Variants in POC1B observed in about 807,000 individuals in gnomAD.
POC1B encodes the protein POC1 centriolar protein homolog B.
POC1B carries 44 observed loss-of-function variants against 60.6 expected under a neutral mutation model. The ratio of observed to expected loss-of-function variants is 0.73; its 90% confidence interval spans 0.57 to 0.93. The LOEUF is 0.93. Among genes scored for constraint, POC1B ranks in the 40% least tolerant of loss-of-function variants. The probability of loss-of-function intolerance (pLI) is 0.00; values close to 1 mark genes in which losing one functional copy is unlikely to be tolerated. For synonymous variants in POC1B, 180 were observed against 198.9 expected (o/e 0.90, Z 0.80); for missense variants, 555 against 572.3 (o/e 0.97, Z 0.31).
chr12:89,466,934 G>A lies in POC1B; in HGVS notation c.880-12C>T, dbSNP rs1882708396. The stretch of plus-strand genomic sequence containing the variant: ...CTCCATAATAAGACCTATGAAAAAA[G>A]TCAATGATGTTGGCAGTTATTGACT... On this transcript the variant is annotated splice_polypyrimidine_tract_variant and intron_variant, in intron 8 of 11. Transcript: ENST00000313546. 2 of 1,602,112 alleles carry A rather than the reference G, an allele frequency of 1.2e-6. No individual in the cohort carries two copies. Among genetic ancestry groups the A allele is most frequent in the African/African-American group, 1.3e-5 (1 of 74,646 alleles).
intron 10 of POC1B, chr12:89,429,171 A>T (rs1880913267): frequency 6.6e-6 from 1 of 152,216 alleles, no homozygotes. Flanking sequence ...GCACAAGCAA[A>T]AAATATATTA....
rs763029524 is a variant in POC1B at position 89,472,048 on chromosome 12, G to A, written c.560+120C>T. The A allele has an allele frequency of 2.1e-4, 154 of 729,932 alleles. 1 individual carries two copies. Among genetic ancestry groups the A allele is most frequent in the Non-Finnish European group, 2.9e-4 (131 of 446,374 alleles). The allele number at this position is 729,932 out of a possible 1,614,324, so 45.2% of individuals were successfully genotyped here. On this transcript the variant is annotated intron_variant, in intron 5 of 11. Coordinates refer to ENST00000313546, the MANE Select transcript of POC1B (RefSeq NM_172240.3). ...CTCCCGAAGTGCTGGCATTACAGGC[G>A]TGAGCCACTGCACCCGGCCATATTT...
chr12:89,438,518 C>T (rs146498130), intron 10 of POC1B, among the ~76,000 whole-genome samples: 1 of 152,322 alleles, frequency 6.6e-6, no homozygotes, highest in African/African-American at 2.4e-5. Flanking sequence ...TAATCTCCAC[C>T]AAATTATCAA....
intron 10 of POC1B, among the ~76,000 whole-genome samples, chr12:89,435,767 T>C (rs561474261): frequency 4.6e-5 from 7 of 152,212 alleles, no homozygotes; most frequent in Admixed American, 3.3e-4. Flanking sequence ...AATTTAACCA[T>C]AAAATTCAAA....
At chr12:89,471,173 C>T (rs78073781) in intron 6 of POC1B, among the ~76,000 whole-genome samples, 1,813 of 152,206 alleles carry the variant, frequency 0.012, 36 homozygotes, top group African/African-American at 0.042. Flanking sequence ...ATAATCATTT[C>T]GATTTAATAT....
chr12:89,402,094 C>T, the POC1B span, among the ~76,000 whole-genome samples: 1 of 152,162 alleles, frequency 6.6e-6, no homozygotes, highest in African/African-American at 2.4e-5. Flanking sequence ...GGTGCCTGTT[C>T]CACAGCAGGT....
At chr12:89,479,728 A>C (rs1441641549) in intron 4 of POC1B, among the ~76,000 whole-genome samples, 1 of 152,162 alleles carries the variant, frequency 6.6e-6, no homozygotes, top group Non-Finnish European at 1.5e-5. Context: ...CAGAATTTTA[A>C]TTACTTAAGT....
chr12:89,513,449 T>C (rs1189820142), intron 2 of POC1B, among the ~76,000 whole-genome samples: 3 of 152,132 alleles, frequency 2.0e-5, no homozygotes, highest in Admixed American at 1.3e-4. Context: ...TTGAAGGAAA[T>C]AGAGGGGGAA....
Position 89,467,508 on chromosome 12 carries a change from T to C in POC1B, c.879+109A>G, listed in dbSNP as rs529889812. ...TGGTACTAATTAAAATATAAACTCATTGACAAACATCTTAACATACACAAA... is the reference window on the plus strand; with the variant it reads ...TGGTACTAATTAAAATATAAACTCACTGACAAACATCTTAACATACACAAA... On this transcript the variant is annotated intron_variant, in intron 8 of 11. Coordinates refer to ENST00000313546, the MANE Select transcript of POC1B (RefSeq NM_172240.3). 7.9e-5 allele frequency: 68 copies of C among 862,938 alleles called. No individual in the cohort carries two copies. In the East Asian group the frequency reaches 1.2e-3, roughly 15 times the overall value. The allele number at this position is 862,938 out of a possible 1,614,324, so 53.5% of individuals were successfully genotyped here.
intron 10 of POC1B, among the ~76,000 whole-genome samples, chr12:89,456,006 TTTGTTGTTGTTG>T (rs57046085): frequency 6.7e-5 from 10 of 148,206 alleles, no homozygotes; most frequent in South Asian, 2.2e-4. Context: ...AAAACTCTTT[TTTGTTGTTGTTG>T]TTGTTGTTGT....
the POC1B span, among the ~76,000 whole-genome samples, chr12:89,402,772 C>T: frequency 6.6e-6 from 1 of 152,204 alleles, no homozygotes; most frequent in Non-Finnish European, 1.5e-5. Context: ...CAAGGTCTCG[C>T]TCTTTCACCC....
intron 1 of POC1B, chr12:89,525,551 C>CTTTT (rs111898396): frequency 2.0e-5 from 23 of 1,132,652 alleles, no homozygotes; most frequent in African/African-American, 1.0e-4. Context: ...GGCTTTGGTA[C>CTTTT]TTTTTTTTTT....
intron 2 of POC1B, among the ~76,000 whole-genome samples, chr12:89,503,735 CT>C (rs1869730981): frequency 2.3e-5 from 3 of 129,348 alleles, no homozygotes; most frequent in Admixed American, 7.5e-5. Context: ...GCCGCCCCGT[CT>C]GAGAAGTGAG....
chr12:89,453,160 A>G (rs1356464267), intron 10 of POC1B, among the ~76,000 whole-genome samples: 1 of 152,216 alleles, frequency 6.6e-6, no homozygotes, highest in African/African-American at 2.4e-5. Flanking sequence ...TTGACAATTT[A>G]ATTACGTCAC....
chr12:89,501,978 G>T, intron 2 of POC1B: 1 of 973,856 alleles, frequency 1.0e-6, no homozygotes. Flanking sequence ...AGGCAGACTT[G>T]GCTAAGAGGA....
At chr12:89,402,294 A>C in the POC1B span, among the ~76,000 whole-genome samples, 8 of 151,758 alleles carry the variant, frequency 5.3e-5, no homozygotes, top group African/African-American at 1.9e-4. Flanking sequence ...TTACTGCCTA[A>C]TTCATTTAAT....
chr12:89,514,326 T>C (rs573787658), intron 2 of POC1B, among the ~76,000 whole-genome samples: 1 of 151,460 alleles, frequency 6.6e-6, no homozygotes, highest in South Asian at 2.1e-4. Context: ...TCCCCAGCCA[T>C]GTTTCCTGTA....
At chr12:89,424,479 C>A (rs983188312) in intron 11 of POC1B, among the ~76,000 whole-genome samples, 1 of 152,150 alleles carries the variant, frequency 6.6e-6, no homozygotes, top group Non-Finnish European at 1.5e-5. Flanking sequence ...TTTTATATAA[C>A]TTGCTACTGT....
At chr12:89,411,493 C>T in the POC1B span, among the ~76,000 whole-genome samples, 33 of 152,288 alleles carry the variant, frequency 2.2e-4, no homozygotes, top group African/African-American at 7.5e-4. Flanking sequence ...GGATTGGAAG[C>T]TACTAAATTA....
Sources: allele counts gnomAD v4.1 joint callset (sites outside exome capture counted in the v4.1 genomes callset), GRCh38; gene constraint gnomAD v4.1.1; transcripts MANE v1.5; gene names NCBI Gene and HGNC (gene_info 2026-07-23, HGNC 2026-07-21).